The following BTBD10 variants were observed in gnomAD, a reference collection of about 807,000 sequenced individuals.
The protein encoded by BTBD10 is BTB domain containing 10, also known as BTB/POZ domain-containing protein 10.
A neutral mutation model predicts 53.2 loss-of-function variants in BTBD10; 21 were observed. The observed-to-expected ratio is 0.39, with a 90% CI of 0.28 to 0.57. The LOEUF is 0.57. Among genes scored for constraint, BTBD10 ranks in the 20% least tolerant of loss-of-function variants. The probability of loss-of-function intolerance (pLI) is 0.53; values close to 1 mark genes in which losing one functional copy is unlikely to be tolerated. For missense variants in BTBD10, 360 were observed against 594.7 expected, an observed-to-expected ratio of 0.61 and a Z score of 4.10; for synonymous variants, 149 against 192.7, an observed-to-expected ratio of 0.77 and a Z score of 1.88.
In BTBD10 at chr11:13,417,247, C is replaced by T. The variant is rs1424029745; in HGVS notation, c.598G>A (p.Gly200Ser). ...NTMLGRMFGS[G>S]REHNFTRPNE... ...GGTCGTGTAAAGTTATGTTCTCGGC[C>T]AGATCCAAACATCCTATGATAGTAA... Residue 200 changes from glycine to serine, a missense_variant, in exon 5 of 9, where the codon GGC becomes AGC. Physicochemically the swap from Gly to Ser is moderately conservative, Grantham distance 56. This residue lies in a region of BTBD10 where 91 missense variants were observed against 171.7 expected (regional missense o/e 0.53). Coordinates refer to ENST00000278174, the MANE Select transcript of BTBD10 (RefSeq NM_032320.7). The T allele has an allele frequency of 6.2e-7, 1 of 1,610,776 alleles. No homozygotes were observed. Among genetic ancestry groups the T allele is most frequent in the Admixed American group, 1.7e-5 (1 of 59,822 alleles).
chr11:13,393,776 T>G (rs1949466001), intron 8 of BTBD10, among the ~76,000 whole-genome samples: 3 of 152,172 alleles, frequency 2.0e-5, no homozygotes, highest in Non-Finnish European at 4.4e-5. Flanking sequence ...ATTTTTAATT[T>G]TTAAAATTTC....
intron 2 of BTBD10, among the ~76,000 whole-genome samples, chr11:13,441,375 A>G (rs576998636): frequency 6.6e-6 from 1 of 152,284 alleles, no homozygotes; most frequent in South Asian, 2.1e-4. Context: ...TCACTATATG[A>G]TACACATATC....
chr11:13,400,534 G>A (rs565720865), intron 8 of BTBD10, among the ~76,000 whole-genome samples: 64 of 152,262 alleles, frequency 4.2e-4, no homozygotes, highest in African/African-American at 1.4e-3. Flanking sequence ...GCTCACGCAC[G>A]GTGCGCTGCA....
intron 1 of BTBD10, among the ~76,000 whole-genome samples, chr11:13,452,734 G>C (rs1198517533): frequency 2.0e-5 from 3 of 152,128 alleles, no homozygotes; most frequent in African/African-American, 4.8e-5. Flanking sequence ...CTGTGTAAAA[G>C]TTTATTAACA....
intron 1 of BTBD10, among the ~76,000 whole-genome samples, chr11:13,462,317 G>C (rs148931241): frequency 2.0e-5 from 3 of 152,282 alleles, no homozygotes; most frequent in Non-Finnish European, 4.4e-5. Flanking sequence ...AACTCTGCAA[G>C]ATAATAAATC....
chr11:13,440,686 T>A (rs563320590), intron 2 of BTBD10, among the ~76,000 whole-genome samples: 1 of 152,308 alleles, frequency 6.6e-6, no homozygotes, highest in African/African-American at 2.4e-5. Flanking sequence ...GAAACGAGCA[T>A]GCGTACTTCC....
At chr11:13,442,281 T>C (rs965343508) in intron 2 of BTBD10, among the ~76,000 whole-genome samples, 1 of 152,100 alleles carries the variant, frequency 6.6e-6, no homozygotes, top group Non-Finnish European at 1.5e-5. Flanking sequence ...CAGCCATGAG[T>C]TGGTAACTTC....
intron 1 of BTBD10, among the ~76,000 whole-genome samples, chr11:13,451,184 CAT>C (rs780450383): frequency 6.6e-6 from 1 of 152,110 alleles, no homozygotes; most frequent in Non-Finnish European, 1.5e-5. Flanking sequence ...AGGGGAGGGA[CAT>C]CAGGTAGCCT....
chr11:13,388,549 C>T lies in BTBD10; in HGVS notation c.*282G>A, dbSNP rs1200749062. The T allele has an allele frequency of 9.4e-6, 3 of 317,748 alleles. No individual in the cohort carries two copies. The highest frequency in any genetic ancestry group is 6.2e-5 in the African/African-American group (3 of 48,084). The allele number at this position is 317,748 out of a possible 1,614,324, so 19.7% of individuals were successfully genotyped here. A position where few individuals can be genotyped will look rare whatever the true frequency, so the allele number is the denominator to read the frequency against. On this transcript the variant is annotated 3_prime_UTR_variant, in exon 9 of 9. Transcript: ENST00000278174. ...CAATTTCCACCACTTCTGAAAAGAC[C>T]TAGCTGTGTGAAAAAGGACCATCCC...
intron 1 of BTBD10, among the ~76,000 whole-genome samples, chr11:13,449,054 G>A (rs1252725489): frequency 6.6e-6 from 1 of 152,132 alleles, no homozygotes; most frequent in African/African-American, 2.4e-5. Context: ...ACTGCCAAAA[G>A]TTAACTGAGA....
In BTBD10 at chr11:13,424,266, G is replaced by A. The variant is rs149247061; in HGVS notation, c.102-2428C>T. ...CAAATACAAGCTAAATGTTCAGTTT[G>A]AGTAAGGGCCAAGCAGACTGAGTAA... On this transcript the variant is annotated intron_variant, in intron 2 of 8. Transcript: ENST00000278174. 5.7e-3 allele frequency among the ~76,000 whole-genome samples: 863 copies of A among 152,314 alleles called. 6 individuals are homozygous for A. The highest frequency in any genetic ancestry group is 0.012 in the Admixed American group (188 of 15,304).
At chr11:13,451,674 A>C (rs1196394190) in intron 1 of BTBD10, among the ~76,000 whole-genome samples, 1 of 152,224 alleles carries the variant, frequency 6.6e-6, no homozygotes, top group Non-Finnish European at 1.5e-5. Flanking sequence ...TCCTCATAAA[A>C]ATATTACAAT....
chr11:13,454,743 T>A lies in BTBD10; in HGVS notation c.-58+8349A>T, dbSNP rs140688189. ...TTAAAATTAAAAAGATTTTTAAAAA[T>A]AAAATAAAATTTATTTATTCTTTCA... On this transcript the variant is annotated intron_variant, in intron 1 of 8. Coordinates refer to ENST00000278174, the MANE Select transcript of BTBD10 (RefSeq NM_032320.7). 6.9e-3 allele frequency among the ~76,000 whole-genome samples: 1,038 copies of A among 149,546 alleles called. 17 individuals are homozygous for A. The highest frequency in any genetic ancestry group is 0.024 in the African/African-American group (991 of 41,250).
chr11:13,401,423 C>G (rs1949714748), intron 8 of BTBD10, among the ~76,000 whole-genome samples: 1 of 152,112 alleles, frequency 6.6e-6, no homozygotes. Context: ...ATGCAATATG[C>G]AACTTGACTT....
intron 5 of BTBD10, among the ~76,000 whole-genome samples, chr11:13,415,636 C>T (rs986837540): frequency 6.6e-6 from 1 of 151,856 alleles, no homozygotes; most frequent in Non-Finnish European, 1.5e-5. Context: ...CTTTCTTGAC[C>T]ACTATATTTA....
chr11:13,388,170 G>A lies in BTBD10; in HGVS notation c.*661C>T, dbSNP rs1445486162. On this transcript the variant is annotated 3_prime_UTR_variant, in exon 9 of 9. Coordinates refer to ENST00000278174, the MANE Select transcript of BTBD10 (RefSeq NM_032320.7). The stretch of plus-strand genomic sequence containing the variant: ...TATCTGTGAACAGATTAAGGGTAAG[G>A]CAGACTGGATAATAAACCACCTCTG... 2 of 152,576 alleles carry A rather than the reference G, an allele frequency of 1.3e-5. No individual in the cohort carries two copies. The highest frequency in any genetic ancestry group is 1.3e-4 in the Admixed American group (2 of 15,268). 9.5% of individuals were successfully genotyped at this position (152,576 alleles called of 1,614,324 possible). A position where few individuals can be genotyped will look rare whatever the true frequency, so the allele number is the denominator to read the frequency against.
At chr11:13,440,291 G>A (rs985484167) in intron 2 of BTBD10, 7 of 1,166,894 alleles carry the variant, frequency 6.0e-6, no homozygotes, top group African/African-American at 1.6e-5. Context: ...AGCTGTGATC[G>A]TCCCATTTCT....
At chr11:13,389,505 G>C (rs891499816) in intron 8 of BTBD10, among the ~76,000 whole-genome samples, 1 of 149,956 alleles carries the variant, frequency 6.7e-6, no homozygotes, top group Non-Finnish European at 1.5e-5. Flanking sequence ...TTGGTTTACT[G>C]CAACCTCTGC....
intron 1 of BTBD10, among the ~76,000 whole-genome samples, chr11:13,446,396 C>T (rs1236201130): frequency 6.6e-6 from 1 of 152,048 alleles, no homozygotes; most frequent in Non-Finnish European, 1.5e-5. Context: ...GTGTTCATAT[C>T]AAAAATCAGT....
Sources: allele counts gnomAD v4.1 joint callset (sites outside exome capture counted in the v4.1 genomes callset), GRCh38; gene constraint gnomAD v4.1.1; regional missense constraint gnomAD v4.1.1; transcripts MANE v1.5; gene names NCBI Gene and HGNC (gene_info 2026-07-23, HGNC 2026-07-21).